Variants in SEC22A observed in about 807,000 individuals in gnomAD.
The protein encoded by SEC22A is SEC22 homolog A, vesicle trafficking protein.
In SEC22A, 22 loss-of-function variants were observed where a neutral mutation model predicts 35.3. The ratio of observed to expected loss-of-function variants is 0.62; its 90% CI spans 0.45 to 0.89. The LOEUF (loss-of-function observed/expected upper bound fraction) is 0.89, where lower values mean the gene tolerates loss of function less well. Among genes scored for constraint, SEC22A ranks in the 40% least tolerant of loss-of-function variants. The probability of loss-of-function intolerance (pLI) is 0.00; values close to 1 mark genes in which losing one functional copy is unlikely to be tolerated. For synonymous variants in SEC22A, 119 were observed against 129.5 expected, an observed-to-expected ratio of 0.92 and a Z score of 0.55; for missense variants, 354 against 362.5, an observed-to-expected ratio of 0.98 and a Z score of 0.19.
At chr3:123,208,443 A>G (rs933215807) in intron 1 of SEC22A, 1 of 152,220 alleles carries the variant, frequency 6.6e-6, no homozygotes, top group Non-Finnish European at 1.5e-5. Context: ...AATCATTTTG[A>G]GAACTGTTTG....
At chr3:123,207,601 G>A (rs934493377) in intron 1 of SEC22A, among the ~76,000 whole-genome samples, 12 of 152,282 alleles carry the variant, frequency 7.9e-5, no homozygotes, top group African/African-American at 2.6e-4. Context: ...AAAAGTATGG[G>A]CCTTAGACAA....
intron 5 of SEC22A, among the ~76,000 whole-genome samples, chr3:123,251,695 C>G (rs1937616001): frequency 6.6e-6 from 1 of 152,182 alleles, no homozygotes; most frequent in Admixed American, 6.5e-5. Context: ...CCAGCAAATT[C>G]TGATCCTCTC....
At chr3:123,233,530 C>A (rs1331094649) in intron 4 of SEC22A, among the ~76,000 whole-genome samples, 1 of 151,998 alleles carries the variant, frequency 6.6e-6, no homozygotes, top group Non-Finnish European at 1.5e-5. Context: ...GCTTTAACAT[C>A]CAAAAATCAA....
At chr3:123,245,359 A>C (rs781559094) in intron 4 of SEC22A, among the ~76,000 whole-genome samples, 1 of 152,216 alleles carries the variant, frequency 6.6e-6, no homozygotes, top group African/African-American at 2.4e-5. Context: ...AGCATCCCTT[A>C]GCACTGTCTA....
At chr3:123,228,576 C>CAAA (rs528536258) in intron 4 of SEC22A, among the ~76,000 whole-genome samples, 1 of 83,064 alleles carries the variant, frequency 1.2e-5, no homozygotes, top group Non-Finnish European at 2.6e-5. Flanking sequence ...AACTCCATCT[C>CAAA]AAAAAAAAAA....
intron 2 of SEC22A, among the ~76,000 whole-genome samples, chr3:123,213,001 A>G (rs537779292): frequency 6.6e-6 from 1 of 152,356 alleles, no homozygotes; most frequent in Admixed American, 6.5e-5. Flanking sequence ...TTCTTCCAGC[A>G]ACTATAATTA....
Position 123,225,124 on chromosome 3 carries a change from A to G in SEC22A, c.368A>G (p.Lys123Arg). 1 of 1,608,394 alleles carries G rather than the reference A, an allele frequency of 6.2e-7. No homozygotes were observed. The highest frequency in any genetic ancestry group is 1.3e-5 in the African/African-American group (1 of 74,916). The change falls in exon 4 of 7, where the codon AAG becomes AGG. Residue 123 changes from lysine (K) to arginine (R), a missense_variant. Coordinates refer to ENST00000492595, the MANE Select transcript of SEC22A (RefSeq NM_012430.5). ...IEFDNFIQRT[K>R]QRYNNPRSLS... is the part of the protein sequence containing the mutation. ...ATAGATAACTTCATTCAGAGGACCA[A>G]GCAGCGATATAATAATCCCAGGTCT...
chr3:123,236,936 A>G (rs1220575458), intron 4 of SEC22A, among the ~76,000 whole-genome samples: 1 of 152,240 alleles, frequency 6.6e-6, no homozygotes, highest in Non-Finnish European at 1.5e-5. Flanking sequence ...TCTGTGCTTT[A>G]CAAAATGAAT....
At chr3:123,271,300 C>T (rs1938153055) in intron 6 of SEC22A, among the ~76,000 whole-genome samples, 1 of 152,124 alleles carries the variant, frequency 6.6e-6, no homozygotes, top group African/African-American at 2.4e-5. Flanking sequence ...TGCTTTTCTT[C>T]TGAAAAATGA....
chr3:123,240,313 C>T (rs1255863543), intron 4 of SEC22A, among the ~76,000 whole-genome samples: 1 of 152,218 alleles, frequency 6.6e-6, no homozygotes, highest in Middle Eastern at 3.2e-3. Flanking sequence ...CAGTCAATTT[C>T]CACCATCCTC....
intron 2 of SEC22A, among the ~76,000 whole-genome samples, chr3:123,214,120 A>G (rs1936984552): frequency 1.3e-5 from 2 of 152,198 alleles, no homozygotes; most frequent in South Asian, 4.1e-4. Context: ...ACTTGAACCC[A>G]GGAAGCGGAG....
intron 5 of SEC22A, among the ~76,000 whole-genome samples, chr3:123,246,676 A>G (rs1452045170): frequency 6.6e-6 from 1 of 152,078 alleles, no homozygotes; most frequent in Non-Finnish European, 1.5e-5. Context: ...AACTTTTTGA[A>G]ATTTTTTTTT....
intron 4 of SEC22A, chr3:123,243,673 C>T (rs1313711645): frequency 6.6e-6 from 1 of 152,108 alleles, no homozygotes; most frequent in Non-Finnish European, 1.5e-5. Context: ...ATATGTAATT[C>T]AATTTTTGTA....
chr3:123,210,984 C>T (rs146346273), intron 2 of SEC22A, among the ~76,000 whole-genome samples: 2,286 of 152,164 alleles, frequency 0.015, 25 homozygotes, highest in Non-Finnish European at 0.021. Flanking sequence ...GCGTGATAAT[C>T]ATTGTGGGGC....
At chr3:123,266,333 G>A (rs1938026081) in intron 6 of SEC22A, among the ~76,000 whole-genome samples, 1 of 151,606 alleles carries the variant, frequency 6.6e-6, no homozygotes, top group African/African-American at 2.4e-5. Context: ...TGCCTGCTTT[G>A]CATTTATTTT....
At chr3:123,217,313 T>A (rs1937046544) in intron 2 of SEC22A, among the ~76,000 whole-genome samples, 1 of 152,072 alleles carries the variant, frequency 6.6e-6, no homozygotes, top group South Asian at 2.1e-4. Context: ...TTCTCCTGCC[T>A]CAGCCTCCTG....
chr3:123,222,529 A>G (rs1375659386), intron 2 of SEC22A, among the ~76,000 whole-genome samples: 2 of 151,984 alleles, frequency 1.3e-5, no homozygotes, highest in East Asian at 1.9e-4. Context: ...ACATTTCCAC[A>G]TCCTTTATTT....
At position 123,216,920 on chromosome 3, in the gene SEC22A, G is replaced by C. The variant is rs115708502; in HGVS notation, c.183-6639G>C. ...CAGCTCATAGCACCCTTGAACTCCT[G>C]GGTTCACGTGATCCTCCTGCCTCAG... On this transcript the variant is annotated intron_variant, in intron 2 of 6. Coordinates refer to ENST00000492595, the MANE Select transcript of SEC22A (RefSeq NM_012430.5). Among the ~76,000 whole-genome samples the C allele has an allele frequency of 7.0e-3, 1,060 of 152,226 alleles. 19 individuals carry two copies. The highest frequency in any genetic ancestry group is 0.024 in the African/African-American group (1,010 of 41,528).
intron 1 of SEC22A, among the ~76,000 whole-genome samples, chr3:123,205,454 C>T (rs1446583035): frequency 6.6e-6 from 1 of 151,980 alleles, no homozygotes; most frequent in Non-Finnish European, 1.5e-5. Flanking sequence ...TTTGTGAGGC[C>T]GACGCAGGTG....
Sources: gnomAD v4.1 joint callset for allele counts (sites outside exome capture counted in the v4.1 genomes callset) on GRCh38, gnomAD v4.1.1 for gene constraint, MANE v1.5 for transcripts, NCBI Gene and HGNC (gene_info 2026-07-23, HGNC 2026-07-21) for gene names.